Variants in CUL3 observed in about 807,000 individuals in gnomAD.
CUL3 encodes cullin-3.
CUL3 carries 19 observed loss-of-function variants against 89.1 expected under a neutral mutation model. That is an observed-to-expected ratio of 0.21 (90% CI 0.15 to 0.31). The LOEUF (loss-of-function observed/expected upper bound fraction) is 0.31, where lower values mean the gene tolerates loss of function less well. CUL3 is among the 10% of genes least tolerant of loss of function. CUL3 has a pLI of 1.00. For synonymous variants in CUL3, 351 were observed against 308.4 expected, an observed-to-expected ratio of 1.14 and a Z score of -1.45; for missense variants, 469 against 942.3, an observed-to-expected ratio of 0.50 and a Z score of 6.58.
chr2:224,494,113 TCTTA>T (rs1692080747), intron 13 of CUL3, among the ~76,000 whole-genome samples: 1 of 152,198 alleles, frequency 6.6e-6, no homozygotes, highest in Admixed American at 6.5e-5. Context: ...ATGATGGCTC[TCTTA>T]ATTATACTAA....
rs765501841 is a variant in CUL3, at chr2:224,474,286, G to A, written c.2266C>T (p.Arg756Ter). ...TATACTTTGCGATCCTCAGGTGTTC[G>A]TGCCAAATATTCTCTCTCAATAAGT... ...EGLIEREYLA[R>*]TPEDRKVYTY... The change falls in exon 16 of 16, where the codon CGA (arginine) becomes TGA (stop). Residue 756 changes from arginine to a stop codon, truncating the protein, a stop_gained. Coordinates refer to ENST00000264414, the MANE Select transcript of CUL3 (RefSeq NM_003590.5). LOFTEE classifies it high-confidence loss of function. 6.2e-7 allele frequency: 1 copy of A among 1,613,848 alleles called. No individual in the cohort carries two copies. The highest frequency in any genetic ancestry group is 8.5e-7 in the Non-Finnish European group (1 of 1,179,836).
chr2:224,552,153 T>C (rs756096010), intron 2 of CUL3, among the ~76,000 whole-genome samples: 2 of 152,218 alleles, frequency 1.3e-5, no homozygotes, highest in Non-Finnish European at 2.9e-5. Context: ...CTTTGACACT[T>C]TGACAAAATA....
intron 5 of CUL3, 139 bp from the exon 6 acceptor site, chr2:224,511,721 C>T: frequency 3.6e-6 from 2 of 557,596 alleles, no homozygotes; most frequent in Non-Finnish European, 6.2e-6. Context: ...TTTCTCATTA[C>T]ACGAAAGACT....
At chr2:224,482,177 T>G (rs1490277268) in intron 13 of CUL3, 99 bp from the exon 14 acceptor site, 3 of 809,764 alleles carry the variant, frequency 3.7e-6, no homozygotes, top group Non-Finnish European at 3.8e-6. Flanking sequence ...AAGAGGTAAT[T>G]CCATTAAATA....
intron 12 of CUL3, among the ~76,000 whole-genome samples, chr2:224,497,423 T>C (rs1254334522): frequency 1.3e-5 from 2 of 152,168 alleles, no homozygotes; most frequent in Non-Finnish European, 2.9e-5. Flanking sequence ...GAAAAGGGGC[T>C]CATGGCTTTG....
chr2:224,497,933 C>CA, intron 11 of CUL3, 84 bp from the exon 12 acceptor site: 1 of 1,036,364 alleles, frequency 9.6e-7, no homozygotes, highest in Non-Finnish European at 1.5e-6. Context: ...ATCCCTTAAA[C>CA]ATTTGTGTGT....
intron 9 of CUL3, 68 bp downstream of exon 9, chr2:224,503,584 C>T (rs554260787): frequency 2.4e-5 from 30 of 1,239,886 alleles, no homozygotes; most frequent in Middle Eastern, 2.1e-4. Context: ...TTTCCAATCA[C>T]GTTGTCAGTA....
At chr2:224,497,702 C>G (rs1692219435) in intron 12 of CUL3, 51 bp downstream of exon 12, 1 of 1,366,106 alleles carries the variant, frequency 7.3e-7, no homozygotes. Context: ...CACATCAGCT[C>G]TAATAGACTA....
At chr2:224,493,902 A>G (rs1692073849) in intron 13 of CUL3, among the ~76,000 whole-genome samples, 1 of 152,196 alleles carries the variant, frequency 6.6e-6, no homozygotes, top group Non-Finnish European at 1.5e-5. Flanking sequence ...TTGCTTAATC[A>G]GTATTCTTGG....
intron 3 of CUL3, among the ~76,000 whole-genome samples, chr2:224,516,715 C>T (rs751145065): frequency 4.6e-5 from 7 of 151,760 alleles, no homozygotes; most frequent in Non-Finnish European, 7.4e-5. Flanking sequence ...GGTGTGATCT[C>T]GGCTCACTGC....
rs1695555874 is a variant in CUL3 at position 224,585,204 on chromosome 2, GA to G, written c.-196del. The G allele has an allele frequency of 2.9e-6, 1 of 349,472 alleles. No homozygotes were observed. The highest frequency in any genetic ancestry group is 1.3e-4 in the South Asian group (1 of 7,582). 21.6% of individuals were successfully genotyped at this position (349,472 alleles called of 1,614,324 possible). ...CGGCGGCGGCGGCGGCGGCGGCTCGGACTCTGGCGACTCCGATGCGGCTGGG... is the reference window on the plus strand; with the variant it reads ...CGGCGGCGGCGGCGGCGGCGGCTCGGCTCTGGCGACTCCGATGCGGCTGGG... On this transcript the variant is annotated 5_prime_UTR_variant, in exon 1 of 16. Transcript: ENST00000264414.
chr2:224,507,046 G>GA (rs1692628286), intron 6 of CUL3, 43 bp from the exon 7 acceptor site: 3 of 1,572,946 alleles, frequency 1.9e-6, no homozygotes, highest in Non-Finnish European at 1.7e-6. Context: ...AAAGATTAAA[G>GA]AAAAAAACAC....
chr2:224,507,891 A>T (rs1455259889), intron 6 of CUL3, among the ~76,000 whole-genome samples: 1 of 152,178 alleles, frequency 6.6e-6, no homozygotes, highest in Admixed American at 6.5e-5. Flanking sequence ...AATGGCATTA[A>T]GAGTTTCTAG....
intron 3 of CUL3, among the ~76,000 whole-genome samples, chr2:224,521,327 T>G (rs1693251205): frequency 6.6e-6 from 1 of 152,170 alleles, no homozygotes; most frequent in South Asian, 2.1e-4. Context: ...CATTCAACTC[T>G]GAAAGCTTAG....
chr2:224,522,661 A>C (rs1214033424), intron 3 of CUL3, among the ~76,000 whole-genome samples: 2 of 152,086 alleles, frequency 1.3e-5, no homozygotes, highest in Non-Finnish European at 2.9e-5. Flanking sequence ...CCCCATCTCT[A>C]CTAAAAAATA....
chr2:224,500,325 AC>A, intron 11 of CUL3, 37 bp downstream of exon 11: 2 of 1,606,970 alleles, frequency 1.2e-6, no homozygotes, highest in Non-Finnish European at 1.7e-6. Context: ...TTGAACACTT[AC>A]TTGTACACAG....
At chr2:224,506,345 T>C (rs1192151409) in intron 7 of CUL3, among the ~76,000 whole-genome samples, 1 of 152,146 alleles carries the variant, frequency 6.6e-6, no homozygotes, top group African/African-American at 2.4e-5. Context: ...TATGTATTAA[T>C]ACAATGCAAA....
intron 2 of CUL3, among the ~76,000 whole-genome samples, chr2:224,556,836 A>G (rs538816831): frequency 8.2e-4 from 125 of 152,186 alleles, no homozygotes; most frequent in Middle Eastern, 6.8e-3. Context: ...ATTATAACAC[A>G]TATCAATAGA....
At chr2:224,495,782 G>T in intron 13 of CUL3, 50 bp downstream of exon 13, 5 of 1,491,208 alleles carry the variant, frequency 3.4e-6, no homozygotes, top group Non-Finnish European at 2.8e-6. Flanking sequence ...CAAGTAACAA[G>T]TGAGAGTTAG....
Sources: gnomAD v4.1 joint callset for allele counts (sites outside exome capture counted in the v4.1 genomes callset) on GRCh38, gnomAD v4.1.1 for gene constraint, MANE v1.5 for transcripts, NCBI Gene and HGNC (gene_info 2026-07-23, HGNC 2026-07-21) for gene names.